The following CCAR1 variants were observed in gnomAD, a reference collection of about 807,000 sequenced individuals.
CCAR1 encodes cell division cycle and apoptosis regulator 1.
In CCAR1, 78 loss-of-function variants were observed where a neutral mutation model predicts 163.8. The ratio of observed to expected loss-of-function variants is 0.48; its 90% CI spans 0.40 to 0.57. CCAR1 has a LOEUF of 0.57. Among genes scored for constraint, CCAR1 ranks in the 20% least tolerant of loss-of-function variants. The pLI is 0.00. For missense variants in CCAR1, 1,019 were observed against 1,365.2 expected, an observed-to-expected ratio of 0.75 and a Z score of 4.00; for synonymous variants, 443 against 460.7, an observed-to-expected ratio of 0.96 and a Z score of 0.49.
intron 15 of CCAR1, among the ~76,000 whole-genome samples, chr10:68,758,576 C>T (rs1199506271): frequency 6.9e-6 from 1 of 143,938 alleles, no homozygotes; most frequent in Non-Finnish European, 1.5e-5. Flanking sequence ...TATGTACACA[C>T]GTTTGTATAT....
intron 6 of CCAR1, among the ~76,000 whole-genome samples, chr10:68,744,535 A>AT (rs1238049527): frequency 6.6e-6 from 1 of 152,200 alleles, no homozygotes; most frequent in Non-Finnish European, 1.5e-5. Context: ...CAAAATAATA[A>AT]TTTTTAAAAG....
At position 68,749,566 on chromosome 10, in the gene CCAR1, A is replaced by C; in HGVS notation, c.999A>C (p.Ser333=). ...AAAGACGTAGATCGAGAGAAAGATC[A>C]CCTCAGAGGAAACGTTCCCGGGAAA... ...ERERRRSRER[S]PQRKRSRERS... Residue 333 remains serine (S), a synonymous_variant, in exon 10 of 25, where the codon TCA becomes TCC. Transcript: ENST00000265872. 2 of 1,613,764 alleles carry C rather than the reference A, an allele frequency of 1.2e-6. No individual in the cohort carries two copies. The highest frequency in any genetic ancestry group is 1.7e-6 in the Non-Finnish European group (2 of 1,179,818).
chr10:68,724,079 A>T lies in CCAR1; in HGVS notation c.73+1502A>T, dbSNP rs1396716390. On this transcript the variant is annotated intron_variant, in intron 2 of 24. Coordinates refer to ENST00000265872, the MANE Select transcript of CCAR1 (RefSeq NM_018237.4). ...AGGCTGAAGCTGGAGAATCGCTTGA[A>T]CGTGGGAGGCAGAGGTTACAGTGAG... Among the ~76,000 whole-genome samples the T allele has an allele frequency of 2.6e-5, 4 of 151,500 alleles. No homozygotes were observed. The Admixed American group carries it at 2.6e-4, about 10-fold the overall frequency.
intron 19 of CCAR1, among the ~76,000 whole-genome samples, chr10:68,782,902 C>T (rs1163851239): frequency 6.6e-6 from 1 of 152,086 alleles, no homozygotes; most frequent in Non-Finnish European, 1.5e-5. Flanking sequence ...CACACCTAGT[C>T]ACCCAGAGCT....
At chr10:68,743,208 T>G (rs971359121) in intron 6 of CCAR1, among the ~76,000 whole-genome samples, 2 of 151,474 alleles carry the variant, frequency 1.3e-5, no homozygotes, top group Non-Finnish European at 2.9e-5. Flanking sequence ...TTCTTTTTTT[T>G]TTTTTTGAGA....
intron 8 of CCAR1, among the ~76,000 whole-genome samples, chr10:68,748,612 C>T (rs971657682): frequency 1.3e-5 from 2 of 151,838 alleles, no homozygotes; most frequent in African/African-American, 4.8e-5. Context: ...CCTCAGCTCC[C>T]CTGAGTAGCT....
chr10:68,766,890 G>A (rs997850355), intron 17 of CCAR1, among the ~76,000 whole-genome samples: 3 of 151,958 alleles, frequency 2.0e-5, no homozygotes, highest in Admixed American at 6.6e-5. Context: ...TCTACTTCTT[G>A]GGAAAAAATA....
chr10:68,743,696 C>T (rs1291133887), intron 6 of CCAR1, among the ~76,000 whole-genome samples: 1 of 151,402 alleles, frequency 6.6e-6, no homozygotes. Flanking sequence ...ACGTGTGCCA[C>T]CACACCCGGC....
At chr10:68,773,275 A>G (rs1320132497) in intron 19 of CCAR1, among the ~76,000 whole-genome samples, 176 bp downstream of exon 19, 5 of 152,176 alleles carry the variant, frequency 3.3e-5, no homozygotes, top group South Asian at 2.1e-4. Flanking sequence ...GTTTGAAGAC[A>G]TATTTATTAC....
rs531523245 is a variant in CCAR1, at chr10:68,738,326, G to A, written c.291+437G>A. On this transcript the variant is annotated intron_variant, in intron 4 of 24. Coordinates refer to ENST00000265872, the MANE Select transcript of CCAR1 (RefSeq NM_018237.4). ...CTACGTGGGAGGCTGAGACAGGGAG[G>A]CTGAGGCAGGAGAATCGCTTGAACT... Among the ~76,000 whole-genome samples the A allele has an allele frequency of 3.9e-5, 6 of 152,274 alleles. No individual in the cohort carries two copies. In the South Asian group the frequency reaches 1.2e-3, roughly 32 times the overall value.
intron 10 of CCAR1, among the ~76,000 whole-genome samples, chr10:68,751,778 C>T (rs910729830): frequency 6.6e-6 from 1 of 151,448 alleles, no homozygotes; most frequent in African/African-American, 2.4e-5. Context: ...GCAGGAGAAT[C>T]GCTTGAACCC....
intron 2 of CCAR1, among the ~76,000 whole-genome samples, chr10:68,729,718 AT>A (rs1377744182): frequency 2.1e-5 from 3 of 145,838 alleles, no homozygotes; most frequent in Non-Finnish European, 3.0e-5. Flanking sequence ...AAAAAAAAAA[AT>A]ACAAAAACAT....
chr10:68,770,635 C>T (rs889922844), intron 17 of CCAR1, among the ~76,000 whole-genome samples: 9 of 151,998 alleles, frequency 5.9e-5, no homozygotes, highest in African/African-American at 1.4e-4. Context: ...CTCAGCCACC[C>T]GGGAGACTGA....
chr10:68,788,415 C>A, intron 23 of CCAR1, 87 bp downstream of exon 23: 1 of 845,518 alleles, frequency 1.2e-6, no homozygotes, highest in Non-Finnish European at 1.7e-6. Flanking sequence ...TATATACGTA[C>A]CTGTGTACAC....
chr10:68,729,265 GT>G (rs1298088284), intron 2 of CCAR1, among the ~76,000 whole-genome samples: 1 of 149,744 alleles, frequency 6.7e-6, no homozygotes, highest in Non-Finnish European at 1.5e-5. Context: ...GTTTTTTTGG[GT>G]TTTTTTGGTT....
intron 12 of CCAR1, 110 bp downstream of exon 12, chr10:68,754,937 A>T: frequency 1.5e-6 from 1 of 645,232 alleles, no homozygotes; most frequent in Non-Finnish European, 2.7e-6. Flanking sequence ...ATTAATGAGT[A>T]ATTTTAGTAT....
chr10:68,791,169 TA>T, intron 24 of CCAR1, 37 bp from the exon 25 acceptor site: 1 of 1,217,700 alleles, frequency 8.2e-7, no homozygotes, highest in Non-Finnish European at 1.2e-6. Context: ...TAAGATAATC[TA>T]ATAAAATGTA....
intron 4 of CCAR1, among the ~76,000 whole-genome samples, chr10:68,738,377 G>A (rs1051480786): frequency 6.6e-6 from 1 of 150,792 alleles, no homozygotes; most frequent in Admixed American, 6.6e-5. Flanking sequence ...ATGGTGAGCC[G>A]AGATCACACC....
At chr10:68,759,527 A>T (rs1002541957) in intron 15 of CCAR1, 1 of 152,570 alleles carries the variant, frequency 6.6e-6, no homozygotes, top group Non-Finnish European at 1.5e-5. Context: ...CAGTAGTTCA[A>T]GATCAGCCCT....
Sources: gnomAD v4.1 joint callset for allele counts (sites outside exome capture counted in the v4.1 genomes callset) on GRCh38, gnomAD v4.1.1 for gene constraint, MANE v1.5 for transcripts, NCBI Gene and HGNC (gene_info 2026-07-23, HGNC 2026-07-21) for gene names.